Variants in CCSAP observed in about 807,000 individuals in gnomAD.
The protein encoded by CCSAP is centriole, cilia and spindle associated protein.
A neutral mutation model predicts 25.9 loss-of-function variants in CCSAP; 17 were observed. That is an observed-to-expected ratio of 0.66 (90% CI 0.45 to 0.99). CCSAP has a LOEUF of 0.99. Ranked by LOEUF, CCSAP falls within the 50% of genes least tolerant of loss-of-function variation. The pLI is 0.00. For missense variants in CCSAP, 339 were observed against 367.8 expected (o/e 0.92, Z 0.64); for synonymous variants, 169 against 157.1 (o/e 1.08, Z -0.57).
chr1:229,332,496 A>G (rs541895455), intron 2 of CCSAP, among the ~76,000 whole-genome samples: 2 of 152,372 alleles, frequency 1.3e-5, no homozygotes, highest in East Asian at 1.9e-4. Context: ...TTTCCAAACA[A>G]TAAGTGTATG....
In CCSAP at chr1:229,342,511, A is replaced by C; in HGVS notation, c.-46T>G. 7.9e-7 allele frequency: 1 copy of C among 1,265,542 alleles called. No individual in the cohort carries two copies. The highest frequency in any genetic ancestry group is 3.3e-5 in the Admixed American group (1 of 30,150). The allele number at this position is 1,265,542 out of a possible 1,614,324, so 78.4% of individuals were successfully genotyped here. A position where few individuals can be genotyped will look rare whatever the true frequency, so the allele number is the denominator to read the frequency against. ...GCGCCAGCCGCTCCTCGCTGCCCGC[A>C]GCCTACGGGACCCGGTACACGACAC... On this transcript the variant is annotated splice_region_variant and 5_prime_UTR_variant, in exon 2 of 4. Transcript: ENST00000284617. The surrounding 1 kb of genome is among the most constrained non-coding windows in gnomAD (Gnocchi z 7.5).
At chr1:229,339,364 C>T (rs1244819468) in intron 2 of CCSAP, among the ~76,000 whole-genome samples, 1 of 152,172 alleles carries the variant, frequency 6.6e-6, no homozygotes, top group Non-Finnish European at 1.5e-5. Context: ...GGAATGCCCC[C>T]AGAGTTTCTA....
chr1:229,341,317 A>G (rs1248904384), intron 2 of CCSAP, among the ~76,000 whole-genome samples: 1 of 152,088 alleles, frequency 6.6e-6, no homozygotes, highest in Non-Finnish European at 1.5e-5. Flanking sequence ...TACATTTTCC[A>G]TGTTTTCCTC....
At chr1:229,332,089 C>T (rs879374084) in intron 2 of CCSAP, among the ~76,000 whole-genome samples, 46 of 152,232 alleles carry the variant, frequency 3.0e-4, no homozygotes, top group Middle Eastern at 6.8e-3. Context: ...GTGATCCACC[C>T]GCCTCGGCCT....
chr1:229,334,463 G>A (rs549008682), intron 2 of CCSAP, among the ~76,000 whole-genome samples: 23 of 152,156 alleles, frequency 1.5e-4, no homozygotes, highest in African/African-American at 5.3e-4. Context: ...TTATCAGAGG[G>A]AAATTTATAG....
intron 2 of CCSAP, among the ~76,000 whole-genome samples, chr1:229,333,599 G>A (rs1372361641): frequency 6.6e-6 from 1 of 152,016 alleles, no homozygotes; most frequent in African/African-American, 2.4e-5. Flanking sequence ...GTTAAAGAAG[G>A]CCAGGCGCAG....
intron 2 of CCSAP, among the ~76,000 whole-genome samples, chr1:229,337,662 C>A: frequency 2.5e-5 from 1 of 40,422 alleles, no homozygotes; most frequent in African/African-American, 9.4e-5. Context: ...GGAACAAGAT[C>A]AAAGGCTCAA....
Position 229,322,598 on chromosome 1 carries a change from G to A in CCSAP, c.*2637C>T, listed in dbSNP as rs183926279. On this transcript the variant is annotated 3_prime_UTR_variant, in exon 4 of 4. Transcript: ENST00000284617. ...GAATAAATGTGCTTAGAAATTTTAG[G>A]GGGGAGAACACACATAACATACATA... 6.6e-6 allele frequency: 1 copy of A among 151,942 alleles called. No individual in the cohort carries two copies. The highest frequency in any genetic ancestry group is 1.9e-4 in the East Asian group (1 of 5,186). 9.4% of individuals were successfully genotyped at this position (151,942 alleles called of 1,614,324 possible).
At chr1:229,330,660 G>A (rs1458159615) in intron 2 of CCSAP, among the ~76,000 whole-genome samples, 4 of 151,988 alleles carry the variant, frequency 2.6e-5, no homozygotes, top group Non-Finnish European at 5.9e-5. Context: ...GGCTAACACG[G>A]TGAAACCTCG....
At chr1:229,326,375 C>A (rs141765805) in intron 3 of CCSAP, among the ~76,000 whole-genome samples, 141 of 152,342 alleles carry the variant, frequency 9.3e-4, no homozygotes, top group Non-Finnish European at 1.8e-3. Flanking sequence ...GCTCAAGAGA[C>A]CAGTGGCAAA....
In CCSAP at chr1:229,325,397, T is replaced by C. The variant is rs368875795; in HGVS notation, c.651A>G (p.Ala217=). Residue 217 remains alanine (A), a synonymous_variant, in exon 4 of 4, where the codon GCA becomes GCG. Transcript: ENST00000284617. ...CCTGTCTTCTGTTCTTGGCTCGTAATGCTGATTCATGAATCTAAAGAGAGT... is the reference window on the plus strand; with the variant it reads ...CCTGTCTTCTGTTCTTGGCTCGTAACGCTGATTCATGAATCTAAAGAGAGT... The part of the protein sequence containing the change: ...SAPVHEIHES[A]LRAKNRRQVE... 3.1e-6 allele frequency: 5 copies of C among 1,613,096 alleles called. No individual in the cohort carries two copies. Among genetic ancestry groups the C allele is most frequent in the African/African-American group, 1.3e-5 (1 of 74,910 alleles).
chr1:229,336,992 T>C (rs1313707885), intron 2 of CCSAP, among the ~76,000 whole-genome samples: 3 of 152,080 alleles, frequency 2.0e-5, no homozygotes, highest in African/African-American at 7.2e-5. Context: ...CAAATTCCAT[T>C]GTAGAAACAT....
In CCSAP at chr1:229,342,643, C is replaced by CGGGGCG. The variant is rs1658370188; in HGVS notation, c.-48-136_-48-131dup. On this transcript the variant is annotated intron_variant, in intron 1 of 3. Transcript: ENST00000284617. The surrounding 1 kb of genome is among the most constrained non-coding windows in gnomAD (Gnocchi z 7.5). The stretch of plus-strand genomic sequence containing the variant: ...GGTCCCGGCGAGGGCGGGGAGGGGG[C>CGGGGCG]GGGGCGGGGGCGGCCTCACCCGGCG... 1 of 389,160 alleles carries CGGGGCG rather than the reference C, an allele frequency of 2.6e-6. No homozygotes were observed. Among genetic ancestry groups the CGGGGCG allele is most frequent in the Non-Finnish European group, 4.4e-6 (1 of 227,190 alleles). 24.1% of individuals were successfully genotyped at this position (389,160 alleles called of 1,614,324 possible). A position where few individuals can be genotyped will look rare whatever the true frequency, so the allele number is the denominator to read the frequency against.
chr1:229,323,185 G>A lies in CCSAP; in HGVS notation c.*2050C>T, dbSNP rs935315253. On this transcript the variant is annotated 3_prime_UTR_variant, in exon 4 of 4. Coordinates refer to ENST00000284617, the MANE Select transcript of CCSAP (RefSeq NM_145257.5). Reference sequence around the variant, plus strand: ...ACTTTAAAAGCACTTTAAAAATCCCGTTCATTTGTCTTCCACTTAAAAAGA... The same window carrying A: ...ACTTTAAAAGCACTTTAAAAATCCCATTCATTTGTCTTCCACTTAAAAAGA... 4 of 152,202 alleles carry A rather than the reference G, an allele frequency of 2.6e-5. No homozygotes were observed. Among genetic ancestry groups the A allele is most frequent in the South Asian group, 2.1e-4 (1 of 4,824 alleles). 9.4% of individuals were successfully genotyped at this position (152,202 alleles called of 1,614,324 possible).
In CCSAP at chr1:229,342,543, C is replaced by CG. The variant is rs1658365156; in HGVS notation, c.-48-31dup. 4.1e-6 allele frequency: 4 copies of CG among 979,974 alleles called. No individual in the cohort carries two copies. The African/African-American group carries it at 6.7e-5, about 17-fold the overall frequency. 60.7% of individuals were successfully genotyped at this position (979,974 alleles called of 1,614,324 possible). A position where few individuals can be genotyped will look rare whatever the true frequency, so the allele number is the denominator to read the frequency against. On this transcript the variant is annotated intron_variant, in intron 1 of 3. Coordinates refer to ENST00000284617, the MANE Select transcript of CCSAP (RefSeq NM_145257.5). This position sits in a 1 kb window ranked among gnomAD's most constrained non-coding sequence, Gnocchi z 7.5. ...GGGACCCGGTACACGACACAGAGGCCGCCCCGCCCCTCCGCCGGCCCTGCC... is the reference window on the plus strand; with the variant it reads ...GGGACCCGGTACACGACACAGAGGCCGGCCCCGCCCCTCCGCCGGCCCTGCC...
Position 229,342,060 on chromosome 1 carries a change from T to C in CCSAP, c.367+39A>G, listed in dbSNP as rs1372055043. Reference sequence around the variant, plus strand: ...CTCAGAGCTTAGAGCAAACCGTCCCTGCGTGCAGGCCCCTCGCGCTCCCCT... The same window carrying C: ...CTCAGAGCTTAGAGCAAACCGTCCCCGCGTGCAGGCCCCTCGCGCTCCCCT... On this transcript the variant is annotated intron_variant, in intron 2 of 3. Transcript: ENST00000284617. This position sits in a 1 kb window ranked among gnomAD's most constrained non-coding sequence, Gnocchi z 7.5. 1.5e-6 allele frequency: 2 copies of C among 1,305,074 alleles called. No individual in the cohort carries two copies. Among genetic ancestry groups the C allele is most frequent in the Non-Finnish European group, 9.7e-7 (1 of 1,028,388 alleles). 80.8% of individuals were successfully genotyped at this position (1,305,074 alleles called of 1,614,324 possible).
chr1:229,341,193 C>CAAAAAAAAAAAAAAAAAAAAAAAA (rs71561730), intron 2 of CCSAP, among the ~76,000 whole-genome samples: 22 of 91,098 alleles, frequency 2.4e-4, no homozygotes, highest in African/African-American at 9.1e-4. Flanking sequence ...GACTCCGTCT[C>CAAAAAAAAAAAAAAAAAAAAAAAA]AAAAAAAAAA....
rs187961142 is a variant in CCSAP at position 229,340,723 on chromosome 1, A to G, written c.367+1376T>C. The G allele has an allele frequency of 1.2e-3, 420 of 339,156 alleles. 7 individuals carry two copies. In the Admixed American group the frequency reaches 0.013, roughly 11 times the overall value. 21.0% of individuals were successfully genotyped at this position (339,156 alleles called of 1,614,324 possible). ...CTGCCTCCGATGATGAGCTGAAAAT[A>G]GCTGAAGATGGTAAAACCAAGAGCA... On this transcript the variant is annotated intron_variant, in intron 2 of 3. Transcript: ENST00000284617.
At chr1:229,326,533 C>G (rs1657944226) in intron 3 of CCSAP, among the ~76,000 whole-genome samples, 2 of 152,238 alleles carry the variant, frequency 1.3e-5, no homozygotes, top group Non-Finnish European at 2.9e-5. Flanking sequence ...AAACCCCTCG[C>G]TCTGCAGGCC....
Sources: allele counts gnomAD v4.1 joint callset (sites outside exome capture counted in the v4.1 genomes callset), GRCh38; gene constraint gnomAD v4.1.1; non-coding constraint Gnocchi (gnomAD v3.1); transcripts MANE v1.5; gene names NCBI Gene and HGNC (gene_info 2026-07-23, HGNC 2026-07-21).